INCENP: variants seen among roughly 807,000 people sequenced by gnomAD.
The protein encoded by INCENP is inner centromere protein.
In INCENP, 43 loss-of-function variants were observed where a neutral mutation model predicts 107.3. The ratio of observed to expected loss-of-function variants is 0.40; its 90% CI spans 0.31 to 0.52. The LOEUF (loss-of-function observed/expected upper bound fraction) is 0.52, where lower values mean the gene tolerates loss of function less well. INCENP is among the 20% of genes least tolerant of loss of function. The pLI, the probability that INCENP is intolerant of heterozygous loss-of-function variation, is 0.53. For synonymous variants in INCENP, 488 were observed against 494.4 expected, an observed-to-expected ratio of 0.99 and a Z score of 0.17; for missense variants, 1,089 against 1,250.9, an observed-to-expected ratio of 0.87 and a Z score of 1.95.
At chr11:62,136,769 G>A (rs2134639808) in intron 4 of INCENP, among the ~76,000 whole-genome samples, 1 of 152,338 alleles carries the variant, frequency 6.6e-6, no homozygotes, top group Non-Finnish European at 1.5e-5. Flanking sequence ...TGAGTGTGTG[G>A]TCCGAGGATA....
intron 4 of INCENP, among the ~76,000 whole-genome samples, chr11:62,136,790 C>T (rs1437331735): frequency 6.6e-6 from 1 of 152,238 alleles, no homozygotes; most frequent in African/African-American, 2.4e-5. Flanking sequence ...GTGTTTGATG[C>T]TCTGGCCTTG....
chr11:62,149,229 G>A (rs925704920), intron 17 of INCENP, among the ~76,000 whole-genome samples: 3 of 151,472 alleles, frequency 2.0e-5, no homozygotes, highest in Non-Finnish European at 4.4e-5. Context: ...ATACCATTTG[G>A]TGGCTTGATT....
chr11:62,124,392 G>T (rs971288547), intron 1 of INCENP, among the ~76,000 whole-genome samples: 1 of 150,656 alleles, frequency 6.6e-6, no homozygotes, highest in Non-Finnish European at 1.5e-5. Flanking sequence ...CTAGAGCATA[G>T]CCCCGTTCCC....
chr11:62,127,402 G>T (rs72643562), intron 1 of INCENP, among the ~76,000 whole-genome samples: 10,492 of 152,264 alleles, frequency 0.069, 1,183 homozygotes, highest in East Asian at 0.53. Context: ...AACTGTTTTT[G>T]TGTTTTCTCT....
chr11:62,124,031 G>A lies in INCENP; in HGVS notation c.-144G>A, dbSNP rs1943697815. 2.0e-5 allele frequency: 3 copies of A among 152,250 alleles called. No individual in the cohort carries two copies. The highest frequency in any genetic ancestry group is 2.0e-4 in the Admixed American group (3 of 15,290). 9.4% of individuals were successfully genotyped at this position (152,250 alleles called of 1,614,324 possible). ...AAATCATAGTTTTCGCCCGCGCTGC[G>A]CCGCCTGGTTGCTCCTCCCGTGCGG... On this transcript the variant is annotated 5_prime_UTR_variant, in exon 1 of 19. Transcript: ENST00000394818.
intron 4 of INCENP, among the ~76,000 whole-genome samples, chr11:62,137,520 T>A (rs1312468132): frequency 6.6e-6 from 1 of 152,028 alleles, no homozygotes; most frequent in East Asian, 1.9e-4. Context: ...ATGCTGGGAG[T>A]TTGGGGCCTG....
intron 4 of INCENP, among the ~76,000 whole-genome samples, chr11:62,134,218 G>A (rs2134632429): frequency 6.6e-6 from 1 of 152,230 alleles, no homozygotes; most frequent in Middle Eastern, 3.4e-3. Context: ...GCTTTTGACA[G>A]CCTGGACAAC....
At chr11:62,128,054 T>C in intron 1 of INCENP, 97 bp from the exon 2 acceptor site, 1 of 1,232,204 alleles carries the variant, frequency 8.1e-7, no homozygotes, top group South Asian at 1.3e-5. Flanking sequence ...TGGGTGTTTG[T>C]GGTGGTTGTG....
At position 62,130,327 on chromosome 11, in the gene INCENP, G is replaced by A. The variant is rs36067669; in HGVS notation, c.800G>A (p.Arg267Gln). ...LRIAQVSPGP[R>Q]DSPAFPDSPW... Reference sequence around the variant, plus strand: ...ATTGCGCAGGTCTCCCCTGGCCCACGGGACTCGCCAGCCTTTCCAGATTCT... The same window carrying A: ...ATTGCGCAGGTCTCCCCTGGCCCACAGGACTCGCCAGCCTTTCCAGATTCT... Residue 267 changes from arginine to glutamine, a missense_variant, in exon 4 of 19, where the codon CGG (arginine) becomes CAG (glutamine). Physicochemically the swap from Arg to Gln is conservative, Grantham distance 43. Transcript: ENST00000394818. 1,741 of 1,611,534 alleles carry A rather than the reference G, an allele frequency of 1.1e-3. 12 individuals carry two copies. The African/African-American group carries it at 0.019, about 17-fold the overall frequency.
chr11:62,127,342 A>G (rs1475762257), intron 1 of INCENP, among the ~76,000 whole-genome samples: 3 of 152,210 alleles, frequency 2.0e-5, no homozygotes, highest in Non-Finnish European at 4.4e-5. Flanking sequence ...CTGGTTATCA[A>G]GTTTTAAGGA....
At chr11:62,147,901 G>A (rs1944287916) in intron 15 of INCENP, among the ~76,000 whole-genome samples, 1 of 152,152 alleles carries the variant, frequency 6.6e-6, no homozygotes, top group Non-Finnish European at 1.5e-5. Context: ...AGCTTTGGTG[G>A]GTACCCGAGC....
chr11:62,138,925 A>G lies in INCENP; in HGVS notation c.1211A>G (p.Asn404Ser), dbSNP rs138049815. ...ENNGNNSWPH[N>S]DTEIANSTPN... is the part of the protein sequence containing the mutation. The stretch of plus-strand genomic sequence containing the variant: ...AATGGAAATAACTCGTGGCCCCACA[A>G]TGACACGGAGATTGCCAACAGCACA... The change falls in exon 7 of 19, where the codon AAT becomes AGT. Residue 404 changes from asparagine to serine, a missense_variant. By Grantham distance (46) the Asn-to-Ser change is conservative. Coordinates refer to ENST00000394818, the MANE Select transcript of INCENP (RefSeq NM_001040694.2). 839 of 1,614,024 alleles carry G rather than the reference A, an allele frequency of 5.2e-4. 6 individuals carry two copies. In the African/African-American group the frequency reaches 0.01, roughly 19 times the overall value.
chr11:62,145,379 T>C, intron 13 of INCENP, 90 bp downstream of exon 13: 1 of 1,538,130 alleles, frequency 6.5e-7, no homozygotes, highest in South Asian at 1.2e-5. Flanking sequence ...GATTTGTCAC[T>C]GTACCCCTGT....
At chr11:62,126,785 G>A (rs952156196) in intron 1 of INCENP, among the ~76,000 whole-genome samples, 2 of 150,770 alleles carry the variant, frequency 1.3e-5, no homozygotes, top group African/African-American at 4.9e-5. Context: ...ACATCCTCCT[G>A]TATACTTTAT....
At chr11:62,134,457 G>T (rs925220497) in intron 4 of INCENP, among the ~76,000 whole-genome samples, 5 of 149,502 alleles carry the variant, frequency 3.3e-5, no homozygotes, top group African/African-American at 1.2e-4. Context: ...GATCGTTACT[G>T]TATTAAAAAT....
intron 1 of INCENP, among the ~76,000 whole-genome samples, chr11:62,126,112 G>T (rs915625341): frequency 2.0e-5 from 3 of 152,194 alleles, no homozygotes; most frequent in Non-Finnish European, 4.4e-5. Context: ...CTGACCTGGT[G>T]CTACGCCCTG....
chr11:62,129,116 G>A (rs1244648286), intron 3 of INCENP, among the ~76,000 whole-genome samples: 1 of 152,164 alleles, frequency 6.6e-6, no homozygotes, highest in East Asian at 1.9e-4. Flanking sequence ...TTGGGGGTGG[G>A]TGTGTTTGAT....
At chr11:62,146,466 A>C (rs577784874) in intron 14 of INCENP, among the ~76,000 whole-genome samples, 192 bp from the exon 15 acceptor site, 97 of 152,354 alleles carry the variant, frequency 6.4e-4, no homozygotes, top group African/African-American at 2.3e-3. Flanking sequence ...AGCAGCTGTC[A>C]CAAGATGCCT....
rs756996079 is a variant in INCENP, at chr11:62,130,255, C to G, written c.728C>G (p.Pro243Arg). 16 of 1,613,424 alleles carry G rather than the reference C, an allele frequency of 9.9e-6. 1 individual carries two copies. In the South Asian group the frequency reaches 1.6e-4, roughly 17 times the overall value. Residue 243 changes from proline to arginine, a missense_variant, in exon 4 of 19, where the codon CCC (proline) becomes CGC (arginine). Physicochemically the swap from Pro to Arg is moderately radical, Grantham distance 103. Transcript: ENST00000394818. Reference protein sequence around the residue: ...VSSLMATPQDPKGQGVGTGRS... With the variant: ...VSSLMATPQDRKGQGVGTGRS... ...TCCCTGATGGCTACACCCCAGGACCCCAAGGGTCAAGGGGTCGGGACGGGG... is the reference window on the plus strand; with the variant it reads ...TCCCTGATGGCTACACCCCAGGACCGCAAGGGTCAAGGGGTCGGGACGGGG...
Sources: gnomAD v4.1 joint callset for allele counts (sites outside exome capture counted in the v4.1 genomes callset) on GRCh38, gnomAD v4.1.1 for gene constraint, MANE v1.5 for transcripts, NCBI Gene and HGNC (gene_info 2026-07-23, HGNC 2026-07-21) for gene names.